Variants in NYAP2 observed in about 807,000 individuals in gnomAD.
The protein encoded by NYAP2 is neuronal tyrosine-phosphorylated phosphoinositide-3-kinase adapter 2.
NYAP2 carries 23 observed loss-of-function variants against 50.4 expected under a neutral mutation model. The observed-to-expected ratio is 0.46, with a 90% CI of 0.33 to 0.65. NYAP2 has a LOEUF of 0.65. Ranked by LOEUF, NYAP2 falls within the 30% of genes least tolerant of loss-of-function variation. The pLI is 0.02. For synonymous variants in NYAP2, 394 were observed against 365.2 expected, an observed-to-expected ratio of 1.08 and a Z score of -0.90; for missense variants, 885 against 861.0, an observed-to-expected ratio of 1.03 and a Z score of -0.35.
chr2:225,537,017 A>G (rs1000461145), intron 4 of NYAP2, among the ~76,000 whole-genome samples: 18 of 152,008 alleles, frequency 1.2e-4, no homozygotes, highest in African/African-American at 4.1e-4. Context: ...TTACCTTGTG[A>G]TCCGCTCGCC....
chr2:225,580,437 A>T (rs996030534), intron 4 of NYAP2, among the ~76,000 whole-genome samples: 1 of 152,196 alleles, frequency 6.6e-6, no homozygotes, highest in Middle Eastern at 3.2e-3. Flanking sequence ...GCATTAAAAG[A>T]CTTTACTGCT....
rs1466892645 is a variant in NYAP2 at position 225,425,594 on chromosome 2, T to C, written c.221+16493T>C. 3.9e-5 allele frequency among the ~76,000 whole-genome samples: 6 copies of C among 152,252 alleles called. No individual in the cohort carries two copies. In the East Asian group the frequency reaches 1.2e-3, roughly 29 times the overall value. ...GGAAATTAAAGAGGCCTTTCTATTG[T>C]TGAGTTTCTGTTTGAAAATGGACTT... is the stretch of plus-strand genomic sequence containing the variant. On this transcript the variant is annotated intron_variant, in intron 3 of 6. Coordinates refer to ENST00000636099, the Ensembl canonical transcript of NYAP2.
At chr2:225,618,548 C>G (rs1041398824) in intron 5 of NYAP2, among the ~76,000 whole-genome samples, 5 of 152,184 alleles carry the variant, frequency 3.3e-5, no homozygotes, top group Non-Finnish European at 2.9e-5. Flanking sequence ...TAGGAGAAGT[C>G]TTCCTTGAAT....
chr2:225,619,757 G>T (rs1378205173), intron 5 of NYAP2, among the ~76,000 whole-genome samples: 3 of 152,128 alleles, frequency 2.0e-5, no homozygotes, highest in African/African-American at 7.2e-5. Flanking sequence ...GAGAGTGTTT[G>T]CTCAAAAATG....
At chr2:225,703,547 T>G in the NYAP2 span, 9 of 151,862 alleles carry the variant, frequency 5.9e-5, no homozygotes, top group African/African-American at 2.2e-4. Flanking sequence ...CAGATGTTGT[T>G]TGAAAATAAA....
intron 4 of NYAP2, among the ~76,000 whole-genome samples, chr2:225,531,421 A>G (rs996083762): frequency 6.6e-6 from 1 of 152,192 alleles, no homozygotes; most frequent in African/African-American, 2.4e-5. Flanking sequence ...CTTTGTGTAC[A>G]ATGCCATTAT....
rs77531439 is a variant in NYAP2, at chr2:225,447,180, T to C, written c.221+38079T>C. Among the ~76,000 whole-genome samples the C allele has an allele frequency of 1.4e-4, 22 of 152,294 alleles. 2 individuals are homozygous for C. In the East Asian group the frequency reaches 4.2e-3, roughly 29 times the overall value. On this transcript the variant is annotated intron_variant, in intron 3 of 6. Transcript: ENST00000636099. ...TAAGACTGTGGTCCAGCCTTGCATA[T>C]GTAGCCCAGGTGGAGACAAGAAAAC...
intron 4 of NYAP2, among the ~76,000 whole-genome samples, chr2:225,556,920 G>C (rs1275025178): frequency 6.6e-6 from 1 of 152,128 alleles, no homozygotes; most frequent in African/African-American, 2.4e-5. Context: ...ATCTTTGGCT[G>C]TGCTCAACCT....
intron 5 of NYAP2, among the ~76,000 whole-genome samples, chr2:225,605,129 A>G (rs1160926810): frequency 1.3e-5 from 2 of 152,086 alleles, no homozygotes; most frequent in South Asian, 4.1e-4. Flanking sequence ...AATGGAAACG[A>G]TATTTTTCTC....
At chr2:225,568,982 A>G (rs1295008443) in intron 4 of NYAP2, among the ~76,000 whole-genome samples, 1 of 152,240 alleles carries the variant, frequency 6.6e-6, no homozygotes, top group Admixed American at 6.5e-5. Context: ...GCACAGGGGA[A>G]TCATGGAGGA....
At chr2:225,695,592 T>C in the NYAP2 span, among the ~76,000 whole-genome samples, 1 of 151,804 alleles carries the variant, frequency 6.6e-6, no homozygotes, top group African/African-American at 2.4e-5. Flanking sequence ...TGAGTGAGAT[T>C]TGAAGCCTGT....
intron 3 of NYAP2, among the ~76,000 whole-genome samples, chr2:225,444,534 A>G (rs1183648835): frequency 6.6e-6 from 1 of 152,214 alleles, no homozygotes; most frequent in Non-Finnish European, 1.5e-5. Context: ...GACGTGACAC[A>G]GTAATATAAA....
chr2:225,420,979 G>A (rs1241891664), intron 3 of NYAP2, among the ~76,000 whole-genome samples: 1 of 151,732 alleles, frequency 6.6e-6, no homozygotes, highest in Non-Finnish European at 1.5e-5. Context: ...CTGGAGTGCA[G>A]TGGCACAATC....
chr2:225,501,328 G>T (rs571506863), intron 3 of NYAP2, among the ~76,000 whole-genome samples: 1 of 152,244 alleles, frequency 6.6e-6, no homozygotes, highest in East Asian at 1.9e-4. Context: ...AAATGCCATT[G>T]GTGTCAATCA....
At chr2:225,429,392 G>C (rs1574610046) in intron 3 of NYAP2, among the ~76,000 whole-genome samples, 1 of 152,332 alleles carries the variant, frequency 6.6e-6, no homozygotes, top group Admixed American at 6.5e-5. Flanking sequence ...ACTTGGGACA[G>C]CTTTCACATC....
intron 4 of NYAP2, among the ~76,000 whole-genome samples, chr2:225,547,860 G>A (rs960136607): frequency 2.6e-5 from 4 of 152,094 alleles, no homozygotes; most frequent in Admixed American, 2.0e-4. Flanking sequence ...CGTGGGGTTG[G>A]GGTGGTGATG....
At chr2:225,408,447 C>T (rs1694976533) in intron 2 of NYAP2, among the ~76,000 whole-genome samples, 1 of 152,120 alleles carries the variant, frequency 6.6e-6, no homozygotes, top group South Asian at 2.1e-4. Flanking sequence ...CAAATAATTA[C>T]ATCATTTTAC....
chr2:225,442,848 A>G (rs1047627113), intron 3 of NYAP2, among the ~76,000 whole-genome samples: 2 of 152,128 alleles, frequency 1.3e-5, no homozygotes, highest in East Asian at 1.9e-4. Flanking sequence ...AAGTGCTGAG[A>G]TTATGGGCGT....
rs1362952627 is a variant in NYAP2, at chr2:225,490,057, A to G, written c.222-23314A>G. ...TGCACATTCTGATATTGTTCATCCA[A>G]GTGACCTGCAGTTAAGAAACCTCCT... On this transcript the variant is annotated intron_variant, in intron 3 of 6. Coordinates refer to ENST00000636099, the Ensembl canonical transcript of NYAP2. Among the ~76,000 whole-genome samples the G allele has an allele frequency of 3.9e-5, 6 of 152,320 alleles. No homozygotes were observed. The East Asian group carries it at 1.2e-3, about 29-fold the overall frequency.
Sources: gnomAD v4.1 joint callset for allele counts (sites outside exome capture counted in the v4.1 genomes callset) on GRCh38, gnomAD v4.1.1 for gene constraint, MANE v1.5 for transcripts, NCBI Gene and HGNC (gene_info 2026-07-23, HGNC 2026-07-21) for gene names.